Variants in SAR1A observed in about 807,000 individuals in gnomAD.
SAR1A encodes the protein secretion associated Ras related GTPase 1A, also known as small COPII coat GTPase SAR1A.
A neutral mutation model predicts 22.6 loss-of-function variants in SAR1A; 6 were observed. The ratio of observed to expected loss-of-function variants is 0.27; its 90% confidence interval spans 0.15 to 0.52. The LOEUF (loss-of-function observed/expected upper bound fraction) is 0.52. Among genes scored for constraint, SAR1A ranks in the 20% least tolerant of loss-of-function variants. The pLI is 0.96. For synonymous variants in SAR1A, 70 were observed against 82.2 expected, an observed-to-expected ratio of 0.85 and a Z score of 0.80; for missense variants, 145 against 245.1, an observed-to-expected ratio of 0.59 and a Z score of 2.73.
At chr10:70,169,461 T>TA (rs2136726304) in intron 1 of SAR1A, among the ~76,000 whole-genome samples, 1 of 152,352 alleles carries the variant, frequency 6.6e-6, no homozygotes, top group African/African-American at 2.4e-5. Flanking sequence ...GGTAGGTCTC[T>TA]AAACTATCAA....
chr10:70,169,500 A>G (rs78981213), intron 1 of SAR1A, among the ~76,000 whole-genome samples: 1,749 of 152,348 alleles, frequency 0.011, 24 homozygotes, highest in African/African-American at 0.04. Flanking sequence ...CCTAAAATGA[A>G]AACTTGCGAA....
rs939090163 is a variant in SAR1A, at chr10:70,147,635, T to C, written c.*4841A>G. On this transcript the variant is annotated 3_prime_UTR_variant, in exon 7 of 7. Transcript: ENST00000373241. ...AAAACCTTTCTTTGCTCACAGGCCA[T>C]ACAAACACAGGCAGCAGGCCCGATT... 1 of 152,244 alleles carries C rather than the reference T, an allele frequency of 6.6e-6. No homozygotes were observed. Among genetic ancestry groups the C allele is most frequent in the Non-Finnish European group, 1.5e-5 (1 of 68,046 alleles). The allele number at this position is 152,244 out of a possible 1,614,324, so 9.4% of individuals were successfully genotyped here.
rs1470869186 is a variant in SAR1A at position 70,150,421 on chromosome 10, G to A, written c.*2055C>T. 6.6e-6 allele frequency: 1 copy of A among 152,162 alleles called. No homozygotes were observed. The highest frequency in any genetic ancestry group is 1.9e-4 in the East Asian group (1 of 5,194). 9.4% of individuals were successfully genotyped at this position (152,162 alleles called of 1,614,324 possible). A position where few individuals can be genotyped will look rare whatever the true frequency, so the allele number is the denominator to read the frequency against. Reference sequence around the variant, plus strand: ...AGCTATCTTATAGGAATAGTGTTCCGTGGGGCAAGAAATACATTGGTTCTA... The same window carrying A: ...AGCTATCTTATAGGAATAGTGTTCCATGGGGCAAGAAATACATTGGTTCTA... On this transcript the variant is annotated 3_prime_UTR_variant, in exon 7 of 7. Transcript: ENST00000373241.
intron 1 of SAR1A, among the ~76,000 whole-genome samples, chr10:70,168,392 C>T (rs999405420): frequency 6.6e-6 from 1 of 152,044 alleles, no homozygotes; most frequent in East Asian, 1.9e-4. Context: ...GTCAGGAGTT[C>T]GAGATCAGCC....
At chr10:70,156,289 A>C (rs1201264095) in intron 5 of SAR1A, among the ~76,000 whole-genome samples, 1 of 152,210 alleles carries the variant, frequency 6.6e-6, no homozygotes, top group African/African-American at 2.4e-5. Flanking sequence ...GACTAACCAG[A>C]AGAACTAGTG....
intron 5 of SAR1A, 159 bp downstream of exon 5, chr10:70,157,605 T>C: frequency 1.8e-6 from 1 of 570,666 alleles, no homozygotes; most frequent in East Asian, 2.9e-5. Flanking sequence ...AGCAATGTCT[T>C]AGATTTAAAA....
chr10:70,163,120 T>G (rs1034107676), intron 1 of SAR1A: 1 of 152,380 alleles, frequency 6.6e-6, no homozygotes, highest in Non-Finnish European at 1.5e-5. Context: ...CTAGGCCTCT[T>G]GCACTCAACA....
In SAR1A at chr10:70,147,571, G is replaced by A. The variant is rs1255582597; in HGVS notation, c.*4905C>T. 1.6e-4 allele frequency: 24 copies of A among 152,172 alleles called. No individual in the cohort carries two copies. The highest frequency in any genetic ancestry group is 1.6e-3 in the Admixed American group (24 of 15,284). 9.4% of individuals were successfully genotyped at this position (152,172 alleles called of 1,614,324 possible). On this transcript the variant is annotated 3_prime_UTR_variant, in exon 7 of 7. Coordinates refer to ENST00000373241, the MANE Select transcript of SAR1A (RefSeq NM_020150.5). ...ATACAATTTTTTGTGTCCAAAAATA[G>A]CATTCTTTAAATATTTTTTCCAACC...
chr10:70,163,549 T>C, intron 1 of SAR1A: 1 of 536,558 alleles, frequency 1.9e-6, no homozygotes, highest in Non-Finnish European at 3.3e-6. Context: ...ATTCTGAAAA[T>C]CCTAGGACCC....
intron 1 of SAR1A, among the ~76,000 whole-genome samples, chr10:70,164,618 T>C (rs990499272): frequency 6.6e-6 from 1 of 152,230 alleles, no homozygotes; most frequent in Non-Finnish European, 1.5e-5. Flanking sequence ...AGAAACATTT[T>C]CTTTTACTGT....
intron 1 of SAR1A, chr10:70,166,858 G>C (rs1839559856): frequency 6.6e-6 from 1 of 151,134 alleles, no homozygotes. Flanking sequence ...AAATTAGTCA[G>C]GCATGGTGGC....
At chr10:70,161,187 G>A (rs1839463614) in intron 3 of SAR1A, 118 bp from the exon 4 acceptor site, 1 of 758,262 alleles carries the variant, frequency 1.3e-6, no homozygotes, top group South Asian at 1.8e-5. Flanking sequence ...AAGAAGTTGA[G>A]TGTGGTGGTA....
intron 1 of SAR1A, chr10:70,164,116 T>C: frequency 1.4e-6 from 1 of 737,486 alleles, no homozygotes; most frequent in Non-Finnish European, 2.5e-6. Context: ...GTACAAATGA[T>C]GACAGCATAA....
In SAR1A at chr10:70,163,859, T is replaced by C. The variant is rs556809148; in HGVS notation, c.-16-1928A>G. The C allele has an allele frequency of 8.2e-6, 13 of 1,584,706 alleles. No homozygotes were observed. In the South Asian group the frequency reaches 1.2e-4, roughly 15 times the overall value. ...ACATGATTAATGAAGTAGATGCTGA[T>C]GGTAATGGCACAATTGACTTCCCTG... is the stretch of plus-strand genomic sequence containing the variant. On this transcript the variant is annotated intron_variant, in intron 1 of 6. Coordinates refer to ENST00000373241, the MANE Select transcript of SAR1A (RefSeq NM_020150.5).
intron 1 of SAR1A, chr10:70,164,222 CA>C (rs199818175): frequency 3.6e-3 from 1,915 of 531,964 alleles, no homozygotes; most frequent in East Asian, 5.7e-3. Context: ...TCCCTACTGT[CA>C]AAAAAAAATA....
At position 70,157,867 on chromosome 10, in the gene SAR1A, G is replaced by A; in HGVS notation, c.245C>T (p.Ala82Val). 2.5e-6 allele frequency: 4 copies of A among 1,607,560 alleles called. No homozygotes were observed. Among genetic ancestry groups the A allele is most frequent in the East Asian group, 2.2e-5 (1 of 44,838 alleles). ...TTFDLGGHEQ[A>V]RRVWKNYLPA... ...GAGATAATTTTTCCAAACGCGACGTGCTAAAAAACAAAGTTTGTAGTTGCA... is the reference window on the plus strand; with the variant it reads ...GAGATAATTTTTCCAAACGCGACGTACTAAAAAACAAAGTTTGTAGTTGCA... Residue 82 changes from alanine to valine, a missense_variant and splice_region_variant, in exon 5 of 7, where the codon GCA (alanine) becomes GTA (valine). Physicochemically the swap from Ala to Val is moderately conservative, Grantham distance 64 (BLOSUM62 0). Around this residue, in one of 3 missense-constraint regions of SAR1A, gnomAD observed 40 missense variants for 105.7 expected, o/e 0.38. Coordinates refer to ENST00000373241, the MANE Select transcript of SAR1A (RefSeq NM_020150.5).
At position 70,149,970 on chromosome 10, in the gene SAR1A, C is replaced by A. The variant is rs1047957469; in HGVS notation, c.*2506G>T. 1 of 152,126 alleles carries A rather than the reference C, an allele frequency of 6.6e-6. No individual in the cohort carries two copies. The highest frequency in any genetic ancestry group is 2.4e-5 in the African/African-American group (1 of 41,408). 9.4% of individuals were successfully genotyped at this position (152,126 alleles called of 1,614,324 possible). A position where few individuals can be genotyped will look rare whatever the true frequency, so the allele number is the denominator to read the frequency against. The stretch of plus-strand genomic sequence containing the variant: ...CATCCCCATCCTGTTGCAGAGATGA[C>A]CAACAACCCTGGGTCCACAGCATGT... On this transcript the variant is annotated 3_prime_UTR_variant, in exon 7 of 7. Coordinates refer to ENST00000373241, the MANE Select transcript of SAR1A (RefSeq NM_020150.5).
At chr10:70,167,550 C>A (rs1564572551) in intron 1 of SAR1A, 1 of 150,728 alleles carries the variant, frequency 6.6e-6, no homozygotes, top group Non-Finnish European at 1.5e-5. Context: ...TTGCAGTGAG[C>A]GGAGATCGCT....
rs11392828 is a variant in SAR1A, at chr10:70,149,018, A to AC, written c.*3457dup. The AC allele has an allele frequency of 0.93, 141,959 of 152,298 alleles. 66,240 individuals are homozygous for AC. Among genetic ancestry groups the AC allele is most frequent in the East Asian group, 0.99 (5,126 of 5,174 alleles). 9.4% of individuals were successfully genotyped at this position (152,298 alleles called of 1,614,324 possible). The stretch of plus-strand genomic sequence containing the variant: ...TATTTTCCACTCTGCCTCAAACAAA[A>AC]CAACTCATTTGCCCATACAACCCAT... On this transcript the variant is annotated 3_prime_UTR_variant, in exon 7 of 7. Coordinates refer to ENST00000373241, the MANE Select transcript of SAR1A (RefSeq NM_020150.5).
Sources: allele counts gnomAD v4.1 joint callset (sites outside exome capture counted in the v4.1 genomes callset), GRCh38; gene constraint gnomAD v4.1.1; regional missense constraint gnomAD v4.1.1; transcripts MANE v1.5; gene names NCBI Gene and HGNC (gene_info 2026-07-23, HGNC 2026-07-21).